Variants in BMPER observed in about 807,000 individuals in gnomAD.
The protein encoded by BMPER is BMP binding endothelial regulator, also known as BMP-binding endothelial regulator protein.
Under a neutral mutation model 87.3 loss-of-function variants are expected in BMPER, and 45 were observed. The observed-to-expected ratio is 0.52, with a 90% confidence interval of 0.41 to 0.66. BMPER has a LOEUF of 0.66. Among genes scored for constraint, BMPER ranks in the 30% least tolerant of loss-of-function variants. The probability of loss-of-function intolerance (pLI) is 0.00; values close to 1 mark genes in which losing one functional copy is unlikely to be tolerated. For missense variants in BMPER, 784 were observed against 867.5 expected (o/e 0.90, Z 1.21); for synonymous variants, 326 against 316.2 (o/e 1.03, Z -0.33).
At chr7:34,035,573 C>T (rs1022412895) in intron 6 of BMPER, among the ~76,000 whole-genome samples, 2 of 152,128 alleles carry the variant, frequency 1.3e-5, no homozygotes, top group East Asian at 3.9e-4. Flanking sequence ...AAGAGTCATT[C>T]ATGTCAAGAT....
chr7:33,953,119 C>T (rs1372870757), intron 3 of BMPER, among the ~76,000 whole-genome samples: 1 of 152,206 alleles, frequency 6.6e-6, no homozygotes, highest in Non-Finnish European at 1.5e-5. Flanking sequence ...TCCGAACCTG[C>T]ACTGTGAGTT....
chr7:33,990,308 T>C (rs1786168208), intron 6 of BMPER, among the ~76,000 whole-genome samples: 1 of 137,788 alleles, frequency 7.3e-6, no homozygotes, highest in Non-Finnish European at 1.5e-5. Flanking sequence ...TGGTTTGTAG[T>C]TCTCCTTGAA....
intron 5 of BMPER, among the ~76,000 whole-genome samples, 190 bp from the exon 6 acceptor site, chr7:33,974,512 G>A (rs1316303651): frequency 6.6e-6 from 1 of 152,044 alleles, no homozygotes; most frequent in African/African-American, 2.4e-5. Flanking sequence ...GCATCTTTGG[G>A]GTTTCAGGTC....
At chr7:34,012,055 G>A (rs1028520885) in intron 6 of BMPER, among the ~76,000 whole-genome samples, 1 of 151,854 alleles carries the variant, frequency 6.6e-6, no homozygotes, top group African/African-American at 2.4e-5. Flanking sequence ...AAATTGGTAA[G>A]GGGCATAGAA....
intron 3 of BMPER, among the ~76,000 whole-genome samples, chr7:33,962,526 A>G (rs1785297712): frequency 6.6e-6 from 1 of 152,204 alleles, no homozygotes; most frequent in African/African-American, 2.4e-5. Context: ...GCCTCTACCC[A>G]TTAGATGCCT....
At chr7:34,061,409 C>G (rs774196139) in intron 10 of BMPER, among the ~76,000 whole-genome samples, 61 of 152,154 alleles carry the variant, frequency 4.0e-4, no homozygotes, top group Non-Finnish European at 8.2e-4. Flanking sequence ...TTTCAAAATT[C>G]TCAGCTTCCT....
chr7:33,945,315 A>G (rs1784866430), intron 3 of BMPER, among the ~76,000 whole-genome samples: 1 of 146,674 alleles, frequency 6.8e-6, no homozygotes, highest in Non-Finnish European at 1.5e-5. Context: ...CAGTGGTGCA[A>G]TCTTGGCTCA....
chr7:34,109,424 A>G (rs1789904707), intron 13 of BMPER, among the ~76,000 whole-genome samples: 1 of 152,208 alleles, frequency 6.6e-6, no homozygotes, highest in African/African-American at 2.4e-5. Context: ...TCAGATAAAC[A>G]CCCAGAATAA....
At chr7:34,063,540 TA>T (rs1374537849) in intron 11 of BMPER, among the ~76,000 whole-genome samples, 2 of 152,102 alleles carry the variant, frequency 1.3e-5, no homozygotes, top group African/African-American at 2.4e-5. Flanking sequence ...ATAGATTTAA[TA>T]AAAAAGGTTT....
At chr7:33,928,013 C>T (rs967104915) in intron 2 of BMPER, among the ~76,000 whole-genome samples, 17 of 152,180 alleles carry the variant, frequency 1.1e-4, no homozygotes, top group African/African-American at 3.9e-4. Context: ...TGGCCTCCTG[C>T]GTGTGAAGCT....
chr7:34,087,545 C>G (rs1789249216), intron 13 of BMPER, among the ~76,000 whole-genome samples: 2 of 152,160 alleles, frequency 1.3e-5, no homozygotes, highest in African/African-American at 4.8e-5. Context: ...ATAAAAGAAC[C>G]TACCTTGAAG....
At chr7:33,964,912 T>G (rs764766653) in intron 3 of BMPER, among the ~76,000 whole-genome samples, 1 of 152,210 alleles carries the variant, frequency 6.6e-6, no homozygotes, top group Non-Finnish European at 1.5e-5. Flanking sequence ...TTGGATTTGG[T>G]TCTCTGATTT....
intron 13 of BMPER, among the ~76,000 whole-genome samples, chr7:34,120,626 G>A (rs1426957006): frequency 1.3e-5 from 2 of 152,138 alleles, no homozygotes; most frequent in Non-Finnish European, 1.5e-5. Context: ...TCGAATTCCC[G>A]ACCTCAAATG....
intron 7 of BMPER, among the ~76,000 whole-genome samples, chr7:34,047,555 G>A (rs1241401578): frequency 1.3e-5 from 2 of 152,078 alleles, no homozygotes; most frequent in East Asian, 1.9e-4. Flanking sequence ...GGGATTACAG[G>A]CGTGAGCCAC....
intron 13 of BMPER, among the ~76,000 whole-genome samples, chr7:34,129,610 A>AAAG (rs1790508301): frequency 1.4e-5 from 1 of 69,644 alleles, no homozygotes; most frequent in African/African-American, 5.7e-5. Context: ...GAGAGAGAGA[A>AAAG]AGAGAGAGAG....
chr7:33,962,855 C>G (rs1415327580), intron 3 of BMPER, among the ~76,000 whole-genome samples: 1 of 151,610 alleles, frequency 6.6e-6, no homozygotes, highest in Non-Finnish European at 1.5e-5. Flanking sequence ...GCATATTTAC[C>G]TGACCAGTCA....
chr7:34,031,849 T>C (rs913566221), intron 6 of BMPER, among the ~76,000 whole-genome samples: 3 of 145,322 alleles, frequency 2.1e-5, no homozygotes, highest in African/African-American at 5.0e-5. Flanking sequence ...TTTATTATTT[T>C]ATGGAGCTGC....
chr7:34,077,922 T>A (rs1450984441), intron 11 of BMPER, among the ~76,000 whole-genome samples: 1 of 152,188 alleles, frequency 6.6e-6, no homozygotes, highest in African/African-American at 2.4e-5. Context: ...TTTTATTTTT[T>A]TTTTAATTAT....
At chr7:34,144,274 G>C (rs1385363112) in intron 14 of BMPER, among the ~76,000 whole-genome samples, 1 of 151,870 alleles carries the variant, frequency 6.6e-6, no homozygotes, top group Non-Finnish European at 1.5e-5. Context: ...TTGAGCCTGA[G>C]GTGGGCTAGG....
Sources: gnomAD v4.1 joint callset for allele counts (sites outside exome capture counted in the v4.1 genomes callset) on GRCh38, gnomAD v4.1.1 for gene constraint, MANE v1.5 for transcripts, NCBI Gene and HGNC (gene_info 2026-07-23, HGNC 2026-07-21) for gene names.